The following TAFA1 variants were observed in gnomAD, a reference collection of about 807,000 sequenced individuals.
TAFA1 encodes chemokine-like protein TAFA-1.
TAFA1 carries 4 observed loss-of-function variants against 18.5 expected under a neutral mutation model. The ratio of observed to expected loss-of-function variants is 0.22; its 90% CI spans 0.11 to 0.49. The LOEUF is 0.49. Ranked by LOEUF, TAFA1 falls within the 20% of genes least tolerant of loss-of-function variation. The pLI is 0.98. For synonymous variants in TAFA1, 56 were observed against 55.2 expected, an observed-to-expected ratio of 1.01 and a Z score of -0.06; for missense variants, 147 against 169.0, an observed-to-expected ratio of 0.87 and a Z score of 0.72.
At chr3:68,145,323 A>C in intron 2 of TAFA1, 2 of 792,796 alleles carry the variant, frequency 2.5e-6, no homozygotes, top group South Asian at 2.7e-5. Flanking sequence ...CCAATTATGG[A>C]AGCACTTAGA....
At chr3:68,031,082 G>T (rs1219407037) in intron 2 of TAFA1, among the ~76,000 whole-genome samples, 4 of 152,038 alleles carry the variant, frequency 2.6e-5, no homozygotes, top group Non-Finnish European at 4.4e-5. Context: ...TTCAAGTTTT[G>T]GGATTGTTTC....
intron 2 of TAFA1, among the ~76,000 whole-genome samples, chr3:68,086,890 C>T (rs529060068): frequency 1.3e-5 from 2 of 152,128 alleles, no homozygotes; most frequent in African/African-American, 2.4e-5. Context: ...TGATCAGGAC[C>T]ATTGAGGTTA....
At chr3:68,440,144 T>C (rs1275558944) in intron 3 of TAFA1, among the ~76,000 whole-genome samples, 2 of 152,112 alleles carry the variant, frequency 1.3e-5, no homozygotes, top group African/African-American at 4.8e-5. Flanking sequence ...AGATCTTTCC[T>C]GCACTGTTCT....
At chr3:68,161,813 C>T (rs1195637112) in intron 2 of TAFA1, among the ~76,000 whole-genome samples, 1 of 152,140 alleles carries the variant, frequency 6.6e-6, no homozygotes, top group Non-Finnish European at 1.5e-5. Context: ...TTGATCATTT[C>T]TCCTTGATTA....
intron 2 of TAFA1, among the ~76,000 whole-genome samples, chr3:68,292,346 C>A (rs1296823245): frequency 6.7e-6 from 1 of 148,388 alleles, no homozygotes; most frequent in Non-Finnish European, 1.5e-5. Context: ...CCCGACAGAT[C>A]GAGGCTGCCG....
intron 2 of TAFA1, among the ~76,000 whole-genome samples, chr3:68,395,864 T>C (rs1169267017): frequency 6.6e-6 from 1 of 152,012 alleles, no homozygotes; most frequent in Non-Finnish European, 1.5e-5. Context: ...AGATGACAGG[T>C]TGATGGGTGC....
chr3:68,238,409 A>G (rs1327745284), intron 2 of TAFA1, among the ~76,000 whole-genome samples: 1 of 152,252 alleles, frequency 6.6e-6, no homozygotes, highest in East Asian at 1.9e-4. Flanking sequence ...TCTCTGAAGA[A>G]TCGGCAATGT....
At chr3:68,245,399 T>A (rs939661809) in intron 2 of TAFA1, among the ~76,000 whole-genome samples, 8 of 152,186 alleles carry the variant, frequency 5.3e-5, no homozygotes, top group African/African-American at 1.9e-4. Context: ...AAAATCTTGA[T>A]AAGCTATTTT....
chr3:68,400,786 T>G (rs2070471642), intron 2 of TAFA1, among the ~76,000 whole-genome samples: 1 of 152,090 alleles, frequency 6.6e-6, no homozygotes, highest in South Asian at 2.1e-4. Context: ...ATACACTAGG[T>G]GGAAACAAGA....
intron 2 of TAFA1, among the ~76,000 whole-genome samples, chr3:68,157,367 C>A (rs1038644165): frequency 1.3e-5 from 2 of 152,092 alleles, no homozygotes; most frequent in Non-Finnish European, 2.9e-5. Context: ...ATGATCACAG[C>A]TCTATCAAGA....
At chr3:68,075,406 A>G (rs913953474) in intron 2 of TAFA1, among the ~76,000 whole-genome samples, 2 of 152,176 alleles carry the variant, frequency 1.3e-5, no homozygotes, top group Non-Finnish European at 2.9e-5. Flanking sequence ...TTGAAAACCT[A>G]ACTATGATAT....
chr3:68,381,248 T>C (rs2106671939), intron 2 of TAFA1, among the ~76,000 whole-genome samples: 1 of 151,834 alleles, frequency 6.6e-6, no homozygotes, highest in Admixed American at 6.6e-5. Context: ...CACTTGGCAA[T>C]GTGGGCTCTT....
intron 2 of TAFA1, among the ~76,000 whole-genome samples, chr3:68,214,160 C>T (rs2066627718): frequency 6.6e-6 from 1 of 152,052 alleles, no homozygotes; most frequent in South Asian, 2.1e-4. Context: ...TTGGTCTTTT[C>T]CTTGACATAC....
chr3:68,058,265 G>A (rs7433087), intron 2 of TAFA1, among the ~76,000 whole-genome samples: 63,591 of 152,024 alleles, frequency 0.42, 13,588 homozygotes, highest in East Asian at 0.58. Context: ...GGGGAAATAA[G>A]GATTTGTATC....
chr3:68,053,200 A>G (rs1185553222), intron 2 of TAFA1, among the ~76,000 whole-genome samples: 3 of 151,966 alleles, frequency 2.0e-5, no homozygotes, highest in African/African-American at 7.2e-5. Context: ...AACATTGCAG[A>G]TATGATGAGT....
At chr3:68,393,632 G>A (rs369079229) in intron 2 of TAFA1, among the ~76,000 whole-genome samples, 6 of 152,166 alleles carry the variant, frequency 3.9e-5, no homozygotes, top group Admixed American at 2.0e-4. Flanking sequence ...CTGACAGACC[G>A]AATCCATCAG....
intron 2 of TAFA1, among the ~76,000 whole-genome samples, chr3:68,090,058 C>T (rs1056995919): frequency 1.3e-5 from 2 of 152,126 alleles, no homozygotes; most frequent in African/African-American, 4.8e-5. Flanking sequence ...CTAAGAATTC[C>T]TTCATTCGTT....
intron 2 of TAFA1, among the ~76,000 whole-genome samples, chr3:68,373,228 A>G (rs1454632895): frequency 6.6e-6 from 1 of 152,216 alleles, no homozygotes; most frequent in African/African-American, 2.4e-5. Context: ...AATGGTACCT[A>G]CTATATAAGG....
At chr3:68,290,461 C>T (rs751365604) in intron 2 of TAFA1, among the ~76,000 whole-genome samples, 2 of 152,044 alleles carry the variant, frequency 1.3e-5, no homozygotes, top group Non-Finnish European at 2.9e-5. Context: ...GCAGTTCCCC[C>T]ATGTCATAAT....
Sources: allele counts gnomAD v4.1 joint callset (sites outside exome capture counted in the v4.1 genomes callset), GRCh38; gene constraint gnomAD v4.1.1; transcripts MANE v1.5; gene names NCBI Gene and HGNC (gene_info 2026-07-23, HGNC 2026-07-21).